Variants in APBA1 observed in about 807,000 individuals in gnomAD.
APBA1 encodes the protein amyloid beta precursor protein binding family A member 1.
A neutral mutation model predicts 86.6 loss-of-function variants in APBA1; 55 were observed. The ratio of observed to expected loss-of-function variants is 0.64; its 90% confidence interval spans 0.51 to 0.80. APBA1 has a LOEUF of 0.80. APBA1 is among the 30% of genes least tolerant of loss of function. The pLI is 0.00. For missense variants in APBA1, 1,090 were observed against 1,183.0 expected, an observed-to-expected ratio of 0.92 and a Z score of 1.15; for synonymous variants, 511 against 493.9, an observed-to-expected ratio of 1.03 and a Z score of -0.46.
chr9:69,622,490 C>A (rs1029959178), intron 1 of APBA1, among the ~76,000 whole-genome samples: 1 of 151,698 alleles, frequency 6.6e-6, no homozygotes, highest in Non-Finnish European at 1.5e-5. Context: ...CATTCAGTAA[C>A]AAGAGCATCT....
At chr9:69,502,798 C>A (rs1342401428) in intron 2 of APBA1, among the ~76,000 whole-genome samples, 1 of 152,134 alleles carries the variant, frequency 6.6e-6, no homozygotes, top group African/African-American at 2.4e-5. Flanking sequence ...GCAAGCATCA[C>A]TCCCACTGCA....
chr9:69,584,450 A>G (rs1165249017), intron 1 of APBA1, among the ~76,000 whole-genome samples: 1 of 152,224 alleles, frequency 6.6e-6, no homozygotes, highest in African/African-American at 2.4e-5. Context: ...ATGTACCATT[A>G]TAGGCTGTGT....
At chr9:69,583,572 T>C (rs1223667823) in intron 1 of APBA1, among the ~76,000 whole-genome samples, 1 of 152,232 alleles carries the variant, frequency 6.6e-6, no homozygotes, top group African/African-American at 2.4e-5. Context: ...AATGATGTTA[T>C]TAGAGCTAAC....
At chr9:69,626,289 G>C (rs1341214324) in intron 1 of APBA1, among the ~76,000 whole-genome samples, 2 of 151,316 alleles carry the variant, frequency 1.3e-5, no homozygotes, top group African/African-American at 4.9e-5. Flanking sequence ...TCTTTCTATT[G>C]CATGGAAATA....
At chr9:69,522,935 G>A (rs1836276727) in intron 1 of APBA1, among the ~76,000 whole-genome samples, 1 of 152,138 alleles carries the variant, frequency 6.6e-6, no homozygotes, top group Non-Finnish European at 1.5e-5. Context: ...CCTCCTCAGG[G>A]ACACCTGCAA....
intron 10 of APBA1, among the ~76,000 whole-genome samples, chr9:69,448,988 A>T (rs1460204580): frequency 6.6e-6 from 1 of 152,224 alleles, no homozygotes; most frequent in Non-Finnish European, 1.5e-5. Context: ...CTTTATAAGC[A>T]TCAGTTCAGG....
intron 1 of APBA1, among the ~76,000 whole-genome samples, chr9:69,622,714 G>A (rs747956889): frequency 1.3e-5 from 2 of 152,062 alleles, no homozygotes; most frequent in African/African-American, 4.8e-5. Flanking sequence ...TTGCAGCCTC[G>A]GGCCTTGCAA....
At chr9:69,585,702 G>A (rs1424437351) in intron 1 of APBA1, among the ~76,000 whole-genome samples, 2 of 152,262 alleles carry the variant, frequency 1.3e-5, no homozygotes, top group East Asian at 3.9e-4. Flanking sequence ...CTCACGGTAT[G>A]AAAAGTGGAC....
chr9:69,471,548 T>C, intron 4 of APBA1, 108 bp downstream of exon 4: 1 of 883,360 alleles, frequency 1.1e-6, no homozygotes, highest in Non-Finnish European at 1.9e-6. Context: ...TAAGTGACTT[T>C]GTGGCCTTTC....
chr9:69,612,722 G>A (rs1480118979), intron 1 of APBA1, among the ~76,000 whole-genome samples: 2 of 151,910 alleles, frequency 1.3e-5, no homozygotes, highest in Non-Finnish European at 2.9e-5. Context: ...GTGTTTTGGT[G>A]AGAAAAATTG....
chr9:69,512,131 T>C (rs10867701), intron 2 of APBA1, among the ~76,000 whole-genome samples: 151,285 of 152,100 alleles, frequency 0.99, 75,244 homozygotes, highest in Middle Eastern at 1. Flanking sequence ...AAGGACAGGT[T>C]TTCATTATCA....
intron 4 of APBA1, among the ~76,000 whole-genome samples, chr9:69,469,107 C>T (rs770976580): frequency 8.5e-5 from 13 of 152,088 alleles, no homozygotes; most frequent in Non-Finnish European, 1.5e-4. Flanking sequence ...GCAATTTGCC[C>T]GCCTCAGCCT....
At chr9:69,570,200 A>G (rs1348133358) in intron 1 of APBA1, among the ~76,000 whole-genome samples, 2 of 152,230 alleles carry the variant, frequency 1.3e-5, no homozygotes, top group Non-Finnish European at 2.9e-5. Flanking sequence ...TCACTTTAAT[A>G]TAAAGTGTAC....
chr9:69,637,744 C>T (rs1424485202), intron 1 of APBA1, among the ~76,000 whole-genome samples: 1 of 152,068 alleles, frequency 6.6e-6, no homozygotes. Context: ...CATAAAAGTG[C>T]TATAAAATAA....
intron 1 of APBA1, among the ~76,000 whole-genome samples, chr9:69,666,065 T>C (rs959220787): frequency 3.5e-4 from 53 of 152,352 alleles, no homozygotes; most frequent in Non-Finnish European, 1.0e-4. Context: ...TTCATCTTTA[T>C]ATAAACCCAG....
chr9:69,446,504 A>C (rs925045905), intron 10 of APBA1, among the ~76,000 whole-genome samples: 21 of 152,216 alleles, frequency 1.4e-4, no homozygotes, highest in African/African-American at 5.1e-4. Flanking sequence ...TAGACATCAA[A>C]GTTCAGCTCC....
intron 1 of APBA1, among the ~76,000 whole-genome samples, chr9:69,530,016 C>T (rs1032965635): frequency 2.0e-5 from 3 of 151,830 alleles, no homozygotes; most frequent in Non-Finnish European, 4.4e-5. Flanking sequence ...CACATGTAGG[C>T]GTGGATGTGG....
chr9:69,583,966 A>C (rs967295886), intron 1 of APBA1, among the ~76,000 whole-genome samples: 6 of 152,234 alleles, frequency 3.9e-5, no homozygotes. Context: ...TCCAGCACAT[A>C]GTGAGTGCAG....
intron 1 of APBA1, among the ~76,000 whole-genome samples, chr9:69,550,650 A>G (rs1750542710): frequency 6.6e-6 from 1 of 152,260 alleles, no homozygotes; most frequent in African/African-American, 2.4e-5. Context: ...CTTTGCCCTC[A>G]TGGAACTTAC....
Sources: allele counts gnomAD v4.1 joint callset (sites outside exome capture counted in the v4.1 genomes callset), GRCh38; gene constraint gnomAD v4.1.1; transcripts MANE v1.5; gene names NCBI Gene and HGNC (gene_info 2026-07-23, HGNC 2026-07-21).